ADGRB1: variants seen among roughly 807,000 people sequenced by gnomAD.
ADGRB1 encodes the protein adhesion G protein-coupled receptor B1.
Under a neutral mutation model 175.7 loss-of-function variants are expected in ADGRB1, and 36 were observed. That is an observed-to-expected ratio of 0.20 (90% confidence interval 0.16 to 0.27). The LOEUF (loss-of-function observed/expected upper bound fraction) is 0.27. Among genes scored for constraint, ADGRB1 ranks in the 10% least tolerant of loss-of-function variants. The probability of loss-of-function intolerance (pLI) is 1.00; values close to 1 mark genes in which losing one functional copy is unlikely to be tolerated. For missense variants in ADGRB1, 1,731 were observed against 2,255.3 expected (o/e 0.77, Z 4.71); for synonymous variants, 1,054 against 979.4 (o/e 1.08, Z -1.42).
intron 23 of ADGRB1, among the ~76,000 whole-genome samples, chr8:142,524,979 C>T (rs1030381413): frequency 1.3e-5 from 2 of 152,112 alleles, no homozygotes; most frequent in African/African-American, 4.8e-5. Context: ...GGGTTCACAC[C>T]CACCCTCACA....
At chr8:142,452,953 C>T (rs1178871579) in intron 1 of ADGRB1, among the ~76,000 whole-genome samples, 1 of 147,778 alleles carries the variant, frequency 6.8e-6, no homozygotes, top group East Asian at 2.0e-4. Flanking sequence ...GCCCTGCCCG[C>T]CCCTTCCGTC....
chr8:142,479,928 G>C (rs1484045118), intron 9 of ADGRB1, 134 bp downstream of exon 9: 2 of 994,866 alleles, frequency 2.0e-6, no homozygotes. Context: ...CTGGCGCGGG[G>C]TGGTGGGGCC....
chr8:142,514,581 G>C (rs369839330), intron 18 of ADGRB1, among the ~76,000 whole-genome samples: 1 of 152,178 alleles, frequency 6.6e-6, no homozygotes, highest in Non-Finnish European at 1.5e-5. Flanking sequence ...ATGTGCCTCA[G>C]ACTGTATTGG....
intron 24 of ADGRB1, among the ~76,000 whole-genome samples, chr8:142,531,679 G>C (rs776894123): frequency 6.6e-6 from 1 of 152,212 alleles, no homozygotes; most frequent in South Asian, 2.1e-4. Context: ...TCCTGGTGTT[G>C]CTCTGGGCTC....
At chr8:142,509,005 A>G (rs1842957731) in intron 17 of ADGRB1, among the ~76,000 whole-genome samples, 1 of 150,828 alleles carries the variant, frequency 6.6e-6, no homozygotes, top group Non-Finnish European at 1.5e-5. Context: ...TCTCTGTAAA[A>G]CAGGAGCAGG....
intron 1 of ADGRB1, among the ~76,000 whole-genome samples, chr8:142,463,672 A>G (rs1165242398): frequency 6.6e-6 from 1 of 152,218 alleles, no homozygotes; most frequent in African/African-American, 2.4e-5. Flanking sequence ...TGCGTGGGCA[A>G]AGGGGTACCA....
rs1167434153 is a variant in ADGRB1 at position 142,464,872 on chromosome 8, C to G, written c.674C>G (p.Ala225Gly). The change falls in exon 2 of 31, where the codon GCG (alanine) becomes GGG (glycine). Residue 225 changes from alanine (A) to glycine (G), a missense_variant. By Grantham distance (60) the Ala-to-Gly change is moderately conservative. This residue lies in a region of ADGRB1 where 383 missense variants were observed against 383.1 expected (regional missense o/e 1.00). Transcript: ENST00000517894. ...CLGGEAGGPA[A>G]GPLAPRGDVC... ...GGCGGCGAGGCGGGCGGCCCTGCCGCGGGACCCCTGGCCCCCCGCGGGGAT... is the reference window on the plus strand; with the variant it reads ...GGCGGCGAGGCGGGCGGCCCTGCCGGGGGACCCCTGGCCCCCCGCGGGGAT... The G allele has an allele frequency of 6.6e-7, 1 of 1,521,066 alleles. No individual in the cohort carries two copies. 94.2% of individuals were successfully genotyped at this position (1,521,066 alleles called of 1,614,324 possible). A position where few individuals can be genotyped will look rare whatever the true frequency, so the allele number is the denominator to read the frequency against.
intron 22 of ADGRB1, among the ~76,000 whole-genome samples, chr8:142,523,454 C>T (rs1248570858): frequency 6.6e-6 from 1 of 151,782 alleles, no homozygotes; most frequent in Admixed American, 6.6e-5. Context: ...CAGGATGTGG[C>T]ACCCCCTTGG....
chr8:142,518,067 T>C, intron 18 of ADGRB1, 71 bp from the exon 19 acceptor site: 1 of 1,478,946 alleles, frequency 6.8e-7, no homozygotes, highest in Non-Finnish European at 9.4e-7. Flanking sequence ...CTCTCGGGTC[T>C]CAGTCTTCGG....
chr8:142,518,198 C>G lies in ADGRB1; in HGVS notation c.2878C>G (p.Leu960Val), dbSNP rs368977041. ...CATCGTGGGCTGTGGCGTGTCCTCT[C>G]TCACCCTGCTCATGCTGGTCATCAT... ...TLIVGCGVSS[L>V]TLLMLVIIYV... The change falls in exon 19 of 31, where the codon CTC becomes GTC. Residue 960 changes from leucine (L) to valine (V), a missense_variant. Around this residue, in one of 8 missense-constraint regions of ADGRB1, gnomAD observed 301 missense variants for 488.4 expected, o/e 0.62. Coordinates refer to ENST00000517894, the MANE Select transcript of ADGRB1 (RefSeq NM_001702.3). 5 of 1,613,726 alleles carry G rather than the reference C, an allele frequency of 3.1e-6. No individual in the cohort carries two copies. Among genetic ancestry groups the G allele is most frequent in the African/African-American group, 2.7e-5 (2 of 74,914 alleles).
In ADGRB1 at chr8:142,450,097, T is replaced by C. The variant is rs967835705; in HGVS notation, c.-227T>C. 4 of 114,226 alleles carry C rather than the reference T, an allele frequency of 3.5e-5. No homozygotes were observed. The highest frequency in any genetic ancestry group is 1.3e-4 in the African/African-American group (4 of 30,194). 7.1% of individuals were successfully genotyped at this position (114,226 alleles called of 1,614,324 possible). A position where few individuals can be genotyped will look rare whatever the true frequency, so the allele number is the denominator to read the frequency against. On this transcript the variant is annotated 5_prime_UTR_variant, in exon 1 of 31. Transcript: ENST00000517894. ...TCCTCGCCGGCGGGGCCGCTGCTGC[T>C]GGGGAAGGTAAGGAAGGCTCCGGCG...
At chr8:142,508,600 C>A (rs1371705889) in intron 17 of ADGRB1, among the ~76,000 whole-genome samples, 1 of 152,218 alleles carries the variant, frequency 6.6e-6, no homozygotes, top group African/African-American at 2.4e-5. Flanking sequence ...TTCGGCCATC[C>A]TGTGTTGCGG....
At chr8:142,470,380 AGTGTGTGTGTCCTCGTGT>A (rs748127370) in intron 2 of ADGRB1, among the ~76,000 whole-genome samples, 13 of 152,016 alleles carry the variant, frequency 8.6e-5, no homozygotes, top group South Asian at 2.1e-4. Context: ...CCTGGGAGCA[AGTGTGTGTGTCCTCGTGT>A]GTGTGTGTGT....
chr8:142,513,383 G>A (rs985672308), intron 18 of ADGRB1, among the ~76,000 whole-genome samples: 21 of 152,210 alleles, frequency 1.4e-4, no homozygotes, highest in Non-Finnish European at 2.4e-4. Flanking sequence ...GTGCTCCCTG[G>A]CACCAGAGCC....
chr8:142,530,219 A>T (rs1587425283), intron 24 of ADGRB1, among the ~76,000 whole-genome samples: 1 of 151,616 alleles, frequency 6.6e-6, no homozygotes, highest in African/African-American at 2.4e-5. Flanking sequence ...TTTATAGGTG[A>T]GTGTGTGAAT....
rs150792369 is a variant in ADGRB1 at position 142,463,743 on chromosome 8, A to G, written c.-219-237A>G. Among the ~76,000 whole-genome samples, 757 of 152,354 alleles carry G rather than the reference A, an allele frequency of 5.0e-3. 8 individuals are homozygous for G. Among genetic ancestry groups the G allele is most frequent in the African/African-American group, 0.017 (716 of 41,590 alleles). Reference sequence around the variant, plus strand: ...CTCAGGCTTGGGTGGAGGCGGAGGTACTTTGTTCCCCAAGCTGGGCCGCTG... The same window carrying G: ...CTCAGGCTTGGGTGGAGGCGGAGGTGCTTTGTTCCCCAAGCTGGGCCGCTG... On this transcript the variant is annotated intron_variant, in intron 1 of 30. Transcript: ENST00000517894.
intron 17 of ADGRB1, among the ~76,000 whole-genome samples, chr8:142,494,546 C>T (rs192783318): frequency 5.1e-4 from 77 of 152,192 alleles, no homozygotes; most frequent in South Asian, 1.2e-3. Context: ...GAAAGACTTA[C>T]AGGCTTCCAC....
chr8:142,512,440 C>A (rs547117801), intron 18 of ADGRB1, among the ~76,000 whole-genome samples: 1 of 152,276 alleles, frequency 6.6e-6, no homozygotes, highest in South Asian at 2.1e-4. Flanking sequence ...CAAGGCAGGG[C>A]CCAGCCTCCA....
At position 142,510,150 on chromosome 8, in the gene ADGRB1, GGTTTGCAGAGCA is replaced by G. The variant is rs1297770444; in HGVS notation, c.2676-780_2676-769del. Among the ~76,000 whole-genome samples the G allele has an allele frequency of 1.3e-4, 19 of 151,992 alleles. No homozygotes were observed. The highest frequency in any genetic ancestry group is 4.6e-4 in the African/African-American group (19 of 41,384). ...GTTGGGGGTGGAGAGGAGGAGGAGG[GGTTTGCAGAGCA>G]GGTCAGTCCCTGGTGCACCAAGTAA... On this transcript the variant is annotated intron_variant, in intron 17 of 30. Coordinates refer to ENST00000517894, the MANE Select transcript of ADGRB1 (RefSeq NM_001702.3). This position sits in a 1 kb window ranked among gnomAD's most constrained non-coding sequence, Gnocchi z 6.3.
Sources: gnomAD v4.1 joint callset for allele counts (sites outside exome capture counted in the v4.1 genomes callset) on GRCh38, gnomAD v4.1.1 for gene constraint, gnomAD v4.1.1 regional missense constraint, Gnocchi (gnomAD v3.1) non-coding constraint, MANE v1.5 for transcripts, NCBI Gene and HGNC (gene_info 2026-07-23, HGNC 2026-07-21) for gene names.